HMCN2: variants seen among roughly 807,000 people sequenced by gnomAD.
HMCN2 encodes the protein hemicentin-2.
Under a neutral mutation model 377.5 loss-of-function variants are expected in HMCN2, and 325 were observed. The ratio of observed to expected loss-of-function variants is 0.86; its 90% confidence interval spans 0.79 to 0.94. The LOEUF is 0.94. Among genes scored for constraint, HMCN2 ranks in the 40% least tolerant of loss-of-function variants. The pLI, the probability that HMCN2 is intolerant of heterozygous loss-of-function variation, is 0.00. For missense variants in HMCN2, 4,543 were observed against 4,725.3 expected (o/e 0.96, Z 1.13); for synonymous variants, 2,007 against 2,046.8 (o/e 0.98, Z 0.53).
At chr9:130,385,957 C>T (rs970020849) in intron 60 of HMCN2, among the ~76,000 whole-genome samples, 195 bp downstream of exon 60, 5 of 152,190 alleles carry the variant, frequency 3.3e-5, no homozygotes, top group Admixed American at 2.6e-4. Context: ...AGTCACGTTC[C>T]AGACCCAGCC....
At chr9:130,340,904 G>C (rs1037970183) in intron 23 of HMCN2, among the ~76,000 whole-genome samples, 1 of 152,232 alleles carries the variant, frequency 6.6e-6, no homozygotes, top group Non-Finnish European at 1.5e-5. Flanking sequence ...AGTCTTTCAG[G>C]AGTGCGTGTG....
At chr9:130,371,231 G>C in intron 46 of HMCN2, 100 bp downstream of exon 46, 1 of 667,402 alleles carries the variant, frequency 1.5e-6, no homozygotes, top group Non-Finnish European at 1.9e-6. Flanking sequence ...TGAGCTGCCA[G>C]GCCTGGTTGG....
At chr9:130,386,241 T>G (rs1249466460) in intron 60 of HMCN2, among the ~76,000 whole-genome samples, 2 of 152,184 alleles carry the variant, frequency 1.3e-5, no homozygotes, top group African/African-American at 4.8e-5. Context: ...AGCCTGTGTA[T>G]TCACTGTTGA....
intron 81 of HMCN2, among the ~76,000 whole-genome samples, chr9:130,405,379 A>G (rs914549261): frequency 4.6e-5 from 7 of 152,246 alleles, no homozygotes; most frequent in African/African-American, 1.7e-4. Flanking sequence ...ATGCGTTGGC[A>G]TTAACCGTCC....
rs1361360396 is a variant in HMCN2 at position 130,429,543 on chromosome 9, C to A, written c.14198-14C>A. ...CTAGACCTCCCCACCACCGACCATG[C>A]CCCTGCCTCCCAGATGTGGACGAAT... On this transcript the variant is annotated splice_polypyrimidine_tract_variant and intron_variant, in intron 93 of 97. Coordinates refer to ENST00000683500, the MANE Select transcript of HMCN2 (RefSeq NM_001291815.2). 1 of 1,550,300 alleles carries A rather than the reference C, an allele frequency of 6.5e-7. No homozygotes were observed. The highest frequency in any genetic ancestry group is 2.4e-5 in the East Asian group (1 of 40,910).
At chr9:130,271,381 G>C (rs1181699090) in intron 1 of HMCN2, among the ~76,000 whole-genome samples, 3 of 148,872 alleles carry the variant, frequency 2.0e-5, no homozygotes, top group African/African-American at 7.3e-5. Context: ...TTCTGCATGA[G>C]AGTTGTCTCT....
At chr9:130,305,052 G>T in intron 11 of HMCN2, 50 bp downstream of exon 11, 1 of 448,774 alleles carries the variant, frequency 2.2e-6, no homozygotes, top group Non-Finnish European at 4.7e-6. Context: ...ACGTGACCTG[G>T]TGTTTACCCC....
At chr9:130,429,790 T>C (rs1844628837) in intron 94 of HMCN2, 105 bp downstream of exon 94, 1 of 1,441,828 alleles carries the variant, frequency 6.9e-7, no homozygotes, top group Non-Finnish European at 9.1e-7. Context: ...ACCCACCCTC[T>C]GGCCAGCACC....
Position 130,348,068 on chromosome 9 carries a change from C to T in HMCN2, c.4025-477C>T, listed in dbSNP as rs543562441. 5.2e-4 allele frequency: 517 copies of T among 984,996 alleles called. 1 individual carries two copies. The African/African-American group carries it at 7.5e-3, about 14-fold the overall frequency. 61.0% of individuals were successfully genotyped at this position (984,996 alleles called of 1,614,324 possible). ...GGGTGGGCTGGGGAGTGGTCTCTGTCGGCAGGATGAACTGGCCCCGCTTGG... is the reference window on the plus strand; with the variant it reads ...GGGTGGGCTGGGGAGTGGTCTCTGTTGGCAGGATGAACTGGCCCCGCTTGG... On this transcript the variant is annotated intron_variant, in intron 26 of 97. Coordinates refer to ENST00000683500, the MANE Select transcript of HMCN2 (RefSeq NM_001291815.2).
chr9:130,287,693 CTG>C (rs1564749482), intron 4 of HMCN2, among the ~76,000 whole-genome samples: 1 of 152,074 alleles, frequency 6.6e-6, no homozygotes, highest in African/African-American at 2.4e-5. Flanking sequence ...AGGGACTGGG[CTG>C]TGAGTCCCGA....
Position 130,392,042 on chromosome 9 carries a change from G to A in HMCN2, c.10060G>A (p.Val3354Met), listed in dbSNP as rs1250218093. ...CPVRGSPPIH[V>M]SWLKDGLPLP... ...TGTGCGGGGCTCCCCGCCCATCCACGTGAGCTGGCTCAAGGACGGCCTGCC... is the reference window on the plus strand; with the variant it reads ...TGTGCGGGGCTCCCCGCCCATCCACATGAGCTGGCTCAAGGACGGCCTGCC... Residue 3354 changes from valine (V) to methionine (M), a missense_variant, in exon 66 of 98, where the codon GTG becomes ATG. This residue lies in a region of HMCN2 where 1,073 missense variants were observed against 1,319.5 expected (regional missense o/e 0.81). Transcript: ENST00000683500. The A allele has an allele frequency of 1.6e-5, 16 of 988,430 alleles. No homozygotes were observed. The highest frequency in any genetic ancestry group is 1.9e-5 in the Non-Finnish European group (16 of 830,428). The allele number at this position is 988,430 out of a possible 1,614,324, so 61.2% of individuals were successfully genotyped here. A position where few individuals can be genotyped will look rare whatever the true frequency, so the allele number is the denominator to read the frequency against.
chr9:130,398,686 G>T lies in HMCN2; in HGVS notation c.11462G>T (p.Arg3821Leu). The stretch of plus-strand genomic sequence containing the variant: ...AAGGACGGACAGAAGCTGGACTTCC[G>T]CCTGCAGCAGGGCGCCTACCGGTAA... ...WWKDGQKLDF[R>L]LQQGAYRLLP... is the part of the protein sequence containing the mutation. The change falls in exon 75 of 98, where the codon CGC becomes CTC. Residue 3821 changes from arginine (R) to leucine (L), a missense_variant. Arg to Leu is a moderately radical substitution (Grantham distance 102). This residue lies in a region of HMCN2 where 1,073 missense variants were observed against 1,319.5 expected (regional missense o/e 0.81). Coordinates refer to ENST00000683500, the MANE Select transcript of HMCN2 (RefSeq NM_001291815.2). The T allele has an allele frequency of 7.8e-7, 1 of 1,289,476 alleles. No individual in the cohort carries two copies. The highest frequency in any genetic ancestry group is 1.0e-6 in the Non-Finnish European group (1 of 988,612). 79.9% of individuals were successfully genotyped at this position (1,289,476 alleles called of 1,614,324 possible). A position where few individuals can be genotyped will look rare whatever the true frequency, so the allele number is the denominator to read the frequency against.
At position 130,390,960 on chromosome 9, in the gene HMCN2, A is replaced by G; in HGVS notation, c.9524-17A>G. 1.0e-6 allele frequency: 1 copy of G among 985,190 alleles called. No individual in the cohort carries two copies. Among genetic ancestry groups the G allele is most frequent in the Non-Finnish European group, 1.2e-6 (1 of 829,796 alleles). 61.0% of individuals were successfully genotyped at this position (985,190 alleles called of 1,614,324 possible). A position where few individuals can be genotyped will look rare whatever the true frequency, so the allele number is the denominator to read the frequency against. On this transcript the variant is annotated splice_polypyrimidine_tract_variant and intron_variant, in intron 62 of 97. Transcript: ENST00000683500. Reference sequence around the variant, plus strand: ...AAGAAGGGGCTGGGGGATTCAGGGGACCCCTCTGTCCCACAGAGAGCAGCG... The same window carrying G: ...AAGAAGGGGCTGGGGGATTCAGGGGGCCCCTCTGTCCCACAGAGAGCAGCG...
Position 130,368,275 on chromosome 9 carries a change from G to A in HMCN2, c.6626-1G>A, listed in dbSNP as rs1287160537. 1.0e-6 allele frequency: 1 copy of A among 985,578 alleles called. No individual in the cohort carries two copies. The highest frequency in any genetic ancestry group is 1.1e-4 in the East Asian group (1 of 8,792). The allele number at this position is 985,578 out of a possible 1,614,324, so 61.1% of individuals were successfully genotyped here. A position where few individuals can be genotyped will look rare whatever the true frequency, so the allele number is the denominator to read the frequency against. ...AGGAGTTTCTTTTTTCCTGCACCCAGGTCAACCCCTCCCCGGGGAGGGGGC... is the reference window on the plus strand; with the variant it reads ...AGGAGTTTCTTTTTTCCTGCACCCAAGTCAACCCCTCCCCGGGGAGGGGGC... On this transcript the variant is annotated splice_acceptor_variant, in intron 43 of 97. Transcript: ENST00000683500. LOFTEE classifies it high-confidence loss of function.
rs775607143 is a variant in HMCN2 at position 130,349,519 on chromosome 9, A to C, written c.4304-18A>C. ...GGGTTTGAACAGTTTCCCACCCCTC[A>C]CGCCTTCTCACCCCCAGCCCCTCCT... On this transcript the variant is annotated intron_variant, in intron 28 of 97. Coordinates refer to ENST00000683500, the MANE Select transcript of HMCN2 (RefSeq NM_001291815.2). 7.7e-7 allele frequency: 1 copy of C among 1,301,124 alleles called. No individual in the cohort carries two copies. Among genetic ancestry groups the C allele is most frequent in the Non-Finnish European group, 1.0e-6 (1 of 988,280 alleles). 80.6% of individuals were successfully genotyped at this position (1,301,124 alleles called of 1,614,324 possible).
chr9:130,427,736 A>G (rs1844470850), intron 92 of HMCN2, 117 bp downstream of exon 92: 1 of 1,271,614 alleles, frequency 7.9e-7, no homozygotes, highest in Non-Finnish European at 1.1e-6. Flanking sequence ...GGGATGGCCA[A>G]TTCTTGAGGG....
At chr9:130,388,179 G>A (rs1446925470) in intron 61 of HMCN2, among the ~76,000 whole-genome samples, 6 of 152,176 alleles carry the variant, frequency 3.9e-5, no homozygotes, top group Non-Finnish European at 8.8e-5. Flanking sequence ...AAGGACTGTG[G>A]GTGAGTGAGC....
At chr9:130,337,851 G>A (rs1198642625) in intron 22 of HMCN2, 43 bp from the exon 23 acceptor site, 1 of 150,662 alleles carries the variant, frequency 6.6e-6, no homozygotes, top group Non-Finnish European at 1.5e-5. Flanking sequence ...TTCCATGGGG[G>A]TGGGGTCAGT....
chr9:130,410,441 TCA>T (rs1334962807), intron 84 of HMCN2, 128 bp from the exon 85 acceptor site: 1 of 700,070 alleles, frequency 1.4e-6, no homozygotes, highest in East Asian at 2.8e-5. Context: ...CTGCGGGGGA[TCA>T]GGTGCCCCTG....
Sources: allele counts gnomAD v4.1 joint callset (sites outside exome capture counted in the v4.1 genomes callset), GRCh38; gene constraint gnomAD v4.1.1; regional missense constraint gnomAD v4.1.1; transcripts MANE v1.5; gene names NCBI Gene and HGNC (gene_info 2026-07-23, HGNC 2026-07-21).